HIP1: variants seen among roughly 807,000 people sequenced by gnomAD.
HIP1 encodes huntingtin-interacting protein 1.
A neutral mutation model predicts 147.6 loss-of-function variants in HIP1; 65 were observed. That is an observed-to-expected ratio of 0.44 (90% CI 0.36 to 0.54). The LOEUF (loss-of-function observed/expected upper bound fraction) is 0.54. HIP1 is among the 20% of genes least tolerant of loss of function. HIP1 has a pLI of 0.00. For synonymous variants in HIP1, 479 were observed against 504.0 expected, an observed-to-expected ratio of 0.95 and a Z score of 0.67; for missense variants, 1,061 against 1,299.6, an observed-to-expected ratio of 0.82 and a Z score of 2.82.
intron 1 of HIP1, among the ~76,000 whole-genome samples, chr7:75,701,460 G>A (rs1554519170): frequency 6.6e-6 from 1 of 152,130 alleles, no homozygotes; most frequent in Non-Finnish European, 1.5e-5. Context: ...TGTAATCCCA[G>A]CACTTTGGGA....
At chr7:75,627,125 G>A (rs980899295) in intron 1 of HIP1, among the ~76,000 whole-genome samples, 13 of 152,126 alleles carry the variant, frequency 8.5e-5, no homozygotes, top group Non-Finnish European at 1.8e-4. Context: ...GCCCCAGCCC[G>A]GCAAACTACA....
At position 75,602,303 on chromosome 7, in the gene HIP1, C is replaced by CTTT. The variant is rs67019261; in HGVS notation, c.121-3059_121-3057dup. Among the ~76,000 whole-genome samples the CTTT allele has an allele frequency of 1.1e-3, 87 of 77,272 alleles. 6 individuals are homozygous for CTTT. Among genetic ancestry groups the CTTT allele is most frequent in the African/African-American group, 2.7e-3 (48 of 18,110 alleles). 50.7% of individuals were successfully genotyped at this position (77,272 alleles called of 152,430 possible). On this transcript the variant is annotated intron_variant, in intron 1 of 30. Transcript: ENST00000336926. The stretch of plus-strand genomic sequence containing the variant: ...GGCGTGAGCCACAGCACCTGGCCAG[C>CTTT]TTTTTTTTTTTTTTTTTTTTTTTTT...
intron 25 of HIP1, among the ~76,000 whole-genome samples, chr7:75,546,457 A>G (rs1422091884): frequency 1.3e-5 from 2 of 152,142 alleles, no homozygotes; most frequent in Non-Finnish European, 2.9e-5. Flanking sequence ...GGGAAATGGG[A>G]AAAAAACAAG....
At chr7:75,737,755 A>C (rs1246555932) in intron 1 of HIP1, among the ~76,000 whole-genome samples, 1 of 151,790 alleles carries the variant, frequency 6.6e-6, no homozygotes, top group African/African-American at 2.4e-5. Context: ...GTTTGGGGGA[A>C]GTATTCCTCG....
At chr7:75,725,354 T>C (rs1801620101) in intron 1 of HIP1, among the ~76,000 whole-genome samples, 1 of 152,126 alleles carries the variant, frequency 6.6e-6, no homozygotes, top group Admixed American at 6.6e-5. Context: ...TCTTTTAAGT[T>C]TGTATTTTGA....
chr7:75,712,897 C>T lies in HIP1; in HGVS notation c.120+25904G>A, dbSNP rs141875975. The stretch of plus-strand genomic sequence containing the variant: ...ATTCATTCACTCATTCACTGACTTG[C>T]TAACTCATTTACTCACAAATTCAAT... On this transcript the variant is annotated intron_variant, in intron 1 of 30. Transcript: ENST00000336926. Among the ~76,000 whole-genome samples the T allele has an allele frequency of 3.5e-3, 540 of 152,362 alleles. 1 individual carries two copies. The highest frequency in any genetic ancestry group is 6.2e-3 in the Non-Finnish European group (422 of 68,040).
intron 1 of HIP1, among the ~76,000 whole-genome samples, chr7:75,694,284 AC>A (rs1800558808): frequency 6.6e-6 from 1 of 151,218 alleles, no homozygotes; most frequent in Non-Finnish European, 1.5e-5. Context: ...CCCCTCATTA[AC>A]CCTGGTGTTC....
At chr7:75,603,615 C>A (rs1451649036) in intron 1 of HIP1, among the ~76,000 whole-genome samples, 1 of 152,034 alleles carries the variant, frequency 6.6e-6, no homozygotes, top group Non-Finnish European at 1.5e-5. Context: ...AGGAAGGAAT[C>A]TCTGGCCAGC....
chr7:75,626,272 AG>A (rs1403511341), intron 1 of HIP1: 6 of 152,246 alleles, frequency 3.9e-5, no homozygotes, highest in Non-Finnish European at 7.3e-5. Context: ...ATTAGCAAAA[AG>A]AATTCTTGAA....
intron 22 of HIP1, among the ~76,000 whole-genome samples, chr7:75,552,867 T>C (rs1177463791): frequency 6.6e-6 from 1 of 151,486 alleles, no homozygotes; most frequent in African/African-American, 2.4e-5. Flanking sequence ...TTTTTAAATT[T>C]TTTTTTTTTT....
chr7:75,723,938 T>TTATA (rs781977202), intron 1 of HIP1, among the ~76,000 whole-genome samples: 2 of 146,090 alleles, frequency 1.4e-5, no homozygotes, highest in African/African-American at 2.5e-5. Flanking sequence ...TTATTATCAT[T>TTATA]TATATATATA....
At chr7:75,653,661 C>A (rs1456548923) in intron 1 of HIP1, among the ~76,000 whole-genome samples, 1 of 151,962 alleles carries the variant, frequency 6.6e-6, no homozygotes, top group African/African-American at 2.4e-5. Context: ...GAGTTTGAGA[C>A]TAGCCTGGCC....
chr7:75,643,081 G>A (rs1366365202), intron 1 of HIP1, among the ~76,000 whole-genome samples: 4 of 152,196 alleles, frequency 2.6e-5, no homozygotes, highest in Non-Finnish European at 4.4e-5. Flanking sequence ...ACCTACTGGT[G>A]AGTCGAGATT....
chr7:75,559,809 A>G lies in HIP1; in HGVS notation c.1298T>C (p.Leu433Pro), dbSNP rs2116833152. Residue 433 changes from leucine to proline, a missense_variant, in exon 14 of 31, where the codon CTG (leucine) becomes CCG (proline). Leu to Pro is a moderately conservative substitution (Grantham distance 98, BLOSUM62 -3). Around this residue, in one of 3 missense-constraint regions of HIP1, gnomAD observed 810 missense variants for 946.8 expected, o/e 0.86. Transcript: ENST00000336926. ...RQQAADDCEF[L>P]RAELDELRRQ... ...CCTGAGCTCGTCCAGTTCTGCCCGC[A>G]GGAATTCACAGTCGTCGGCCGCCTG... 6.3e-7 allele frequency: 1 copy of G among 1,599,718 alleles called. No homozygotes were observed. Among genetic ancestry groups the G allele is most frequent in the East Asian group, 2.3e-5 (1 of 43,866 alleles).
At chr7:75,577,438 A>G (rs782567634) in intron 7 of HIP1, among the ~76,000 whole-genome samples, 23 of 152,138 alleles carry the variant, frequency 1.5e-4, no homozygotes, top group Non-Finnish European at 2.9e-4. Context: ...TGCTCTGGGA[A>G]ACTCTAGGGT....
At chr7:75,675,862 T>C (rs770087608) in intron 1 of HIP1, among the ~76,000 whole-genome samples, 1 of 152,108 alleles carries the variant, frequency 6.6e-6, no homozygotes, top group Non-Finnish European at 1.5e-5. Flanking sequence ...GTGCTTGTAA[T>C]CCTAGCTACT....
intron 1 of HIP1, among the ~76,000 whole-genome samples, chr7:75,693,992 T>C (rs1261551927): frequency 2.9e-5 from 4 of 139,274 alleles, no homozygotes; most frequent in African/African-American, 1.1e-4. Flanking sequence ...CAATCTCAGC[T>C]CCCTGCAACC....
intron 2 of HIP1, among the ~76,000 whole-genome samples, chr7:75,595,413 G>A (rs1796707532): frequency 1.3e-5 from 2 of 150,946 alleles, no homozygotes; most frequent in African/African-American, 4.9e-5. Flanking sequence ...CACAATCTTG[G>A]CTCACTGCAA....
chr7:75,648,965 A>G (rs1798891150), intron 1 of HIP1, among the ~76,000 whole-genome samples: 1 of 152,048 alleles, frequency 6.6e-6, no homozygotes, highest in Admixed American at 6.6e-5. Context: ...GCATGCCACC[A>G]TGACTGGCTA....
Sources: allele counts gnomAD v4.1 joint callset (sites outside exome capture counted in the v4.1 genomes callset), GRCh38; gene constraint gnomAD v4.1.1; regional missense constraint gnomAD v4.1.1; transcripts MANE v1.5; gene names NCBI Gene and HGNC (gene_info 2026-07-23, HGNC 2026-07-21).